The following TPTE2 variants were observed in gnomAD, a reference collection of about 807,000 sequenced individuals.
TPTE2 encodes transmembrane phosphoinositide 3-phosphatase and tensin homolog 2.
In TPTE2, 53 loss-of-function variants were observed where a neutral mutation model predicts 78.6. That is an observed-to-expected ratio of 0.67 (90% CI 0.54 to 0.85). The LOEUF (loss-of-function observed/expected upper bound fraction) is 0.85, where lower values mean the gene tolerates loss of function less well. Ranked by LOEUF, TPTE2 falls within the 40% of genes least tolerant of loss-of-function variation. The probability of loss-of-function intolerance (pLI) is 0.00; values close to 1 mark genes in which losing one functional copy is unlikely to be tolerated. For missense variants in TPTE2, 461 were observed against 623.0 expected, an observed-to-expected ratio of 0.74 and a Z score of 2.77; for synonymous variants, 175 against 206.2, an observed-to-expected ratio of 0.85 and a Z score of 1.30.
chr13:19,521,644 T>A (rs1357372502), intron 1 of TPTE2, among the ~76,000 whole-genome samples: 1 of 152,124 alleles, frequency 6.6e-6, no homozygotes, highest in Admixed American at 6.5e-5. Context: ...TTTCTTTTAC[T>A]ACGTTTTTGA....
the TPTE2 span, among the ~76,000 whole-genome samples, chr13:19,542,784 AG>A: frequency 9.2e-5 from 14 of 152,122 alleles, no homozygotes; most frequent in African/African-American, 3.1e-4. Flanking sequence ...GCTTGAGCCC[AG>A]GAGTTCAAGA....
intron 1 of TPTE2, among the ~76,000 whole-genome samples, chr13:19,512,812 C>T (rs1219275276): frequency 1.3e-5 from 2 of 152,086 alleles, no homozygotes; most frequent in African/African-American, 4.8e-5. Flanking sequence ...CTCCTGACCT[C>T]GTGGTCCACC....
chr13:19,533,838 G>A (rs190341827), intron 1 of TPTE2, among the ~76,000 whole-genome samples: 1 of 152,220 alleles, frequency 6.6e-6, no homozygotes, highest in African/African-American at 2.4e-5. Context: ...GAGCTGGCAA[G>A]CAAAGACACA....
intron 1 of TPTE2, among the ~76,000 whole-genome samples, chr13:19,494,512 G>T (rs571362045): frequency 6.6e-6 from 1 of 152,042 alleles, no homozygotes; most frequent in East Asian, 1.9e-4. Context: ...AGGTTCAATC[G>T]ATTCTCCTGC....
chr13:19,547,854 G>GACA, the TPTE2 span, among the ~76,000 whole-genome samples: 1 of 150,642 alleles, frequency 6.6e-6, no homozygotes, highest in Admixed American at 6.6e-5. Flanking sequence ...TCAAACTATC[G>GACA]ACAACGGTTA....
At chr13:19,434,144 G>T (rs922584623) in intron 15 of TPTE2, among the ~76,000 whole-genome samples, 2 of 152,230 alleles carry the variant, frequency 1.3e-5, no homozygotes, top group Non-Finnish European at 2.9e-5. Flanking sequence ...GGAAAGATGG[G>T]TAAGCCACGG....
upstream of TPTE2, among the ~76,000 whole-genome samples, chr13:19,537,656 G>A (rs1871289669): frequency 6.6e-6 from 1 of 151,412 alleles, no homozygotes; most frequent in African/African-American, 2.4e-5. Context: ...AGGCTGGAGT[G>A]CAGTGGTACT....
intron 3 of TPTE2, among the ~76,000 whole-genome samples, chr13:19,492,196 G>A (rs942804438): frequency 3.9e-5 from 6 of 152,124 alleles, no homozygotes; most frequent in Non-Finnish European, 7.3e-5. Flanking sequence ...GATCATGCTA[G>A]TCTCTCCTGC....
At chr13:19,547,452 A>G in the TPTE2 span, among the ~76,000 whole-genome samples, 1 of 152,154 alleles carries the variant, frequency 6.6e-6, no homozygotes, top group Non-Finnish European at 1.5e-5. Flanking sequence ...ACTGGCTATC[A>G]TTTCAGAAGA....
intron 1 of TPTE2, among the ~76,000 whole-genome samples, chr13:19,526,069 T>G (rs1171199151): frequency 3.9e-5 from 6 of 152,006 alleles, no homozygotes. Flanking sequence ...GGAAAGGGAA[T>G]GCTTATACAC....
chr13:19,425,923 C>T (rs377525887), intron 18 of TPTE2: 1 of 368,718 alleles, frequency 2.7e-6, no homozygotes, highest in South Asian at 1.6e-5. Flanking sequence ...CCAAACCTAA[C>T]TCTTTCTAGT....
rs9506153 is a variant in TPTE2 at position 19,535,577 on chromosome 13, C to T, written c.-44+1019G>A. Among the ~76,000 whole-genome samples, 117,050 of 151,790 alleles carry T rather than the reference C, an allele frequency of 0.77. 46,735 individuals carry two copies. The highest frequency in any genetic ancestry group is 0.96 in the East Asian group (4,998 of 5,184). On this transcript the variant is annotated intron_variant, in intron 1 of 17. Transcript: ENST00000390680. This position sits in a 1 kb window ranked among gnomAD's most constrained non-coding sequence, Gnocchi z 5.1. ...TAAATTTAGATTGATTAATAAGTGACTGAGGTTCTAAGTAATACTATCTCC... is the reference window on the plus strand; with the variant it reads ...TAAATTTAGATTGATTAATAAGTGATTGAGGTTCTAAGTAATACTATCTCC...
chr13:19,464,170 C>T (rs1237313445), intron 10 of TPTE2, among the ~76,000 whole-genome samples: 1 of 152,172 alleles, frequency 6.6e-6, no homozygotes, highest in East Asian at 1.9e-4. Flanking sequence ...TTAGTTGAGA[C>T]AGGAAATCCT....
chr13:19,500,588 C>A (rs1280811107), intron 1 of TPTE2, among the ~76,000 whole-genome samples: 1 of 152,104 alleles, frequency 6.6e-6, no homozygotes, highest in African/African-American at 2.4e-5. Flanking sequence ...AAGCCTTTGA[C>A]AAAATTCAAC....
chr13:19,427,601 TAAC>T (rs1316913188), intron 17 of TPTE2, among the ~76,000 whole-genome samples: 5 of 152,172 alleles, frequency 3.3e-5, no homozygotes, highest in African/African-American at 1.2e-4. Context: ...ATTTAAAAAA[TAAC>T]AACAGGGGTC....
intron 4 of TPTE2, among the ~76,000 whole-genome samples, chr13:19,480,126 T>C (rs551314054): frequency 6.6e-6 from 1 of 152,226 alleles, no homozygotes; most frequent in Admixed American, 6.5e-5. Flanking sequence ...AACAAGACCA[T>C]GTTTAATGAA....
chr13:19,470,170 T>C lies in TPTE2; in HGVS notation c.393-2826A>G, dbSNP rs1194999136. Among the ~76,000 whole-genome samples the C allele has an allele frequency of 2.0e-5, 3 of 152,302 alleles. No homozygotes were observed. The East Asian group carries it at 5.8e-4, about 29-fold the overall frequency. ...TACGGTACTGACTGTGGGTCTGTCA[T>C]ATATGGTTTTTATTATGTTTAGGTG... On this transcript the variant is annotated intron_variant, in intron 6 of 19. Coordinates refer to ENST00000400230, the Ensembl canonical transcript of TPTE2.
intron 1 of TPTE2, among the ~76,000 whole-genome samples, chr13:19,523,216 T>C (rs1404150517): frequency 6.6e-6 from 1 of 152,162 alleles, no homozygotes; most frequent in Non-Finnish European, 1.5e-5. Flanking sequence ...TTGTAGGATG[T>C]TGGTTTTCAA....
chr13:19,474,663 C>T (rs1400451973), intron 5 of TPTE2, among the ~76,000 whole-genome samples: 1 of 152,224 alleles, frequency 6.6e-6, no homozygotes, highest in East Asian at 1.9e-4. Flanking sequence ...CTTCCTGCCA[C>T]TTGCTGTTAC....
Sources: gnomAD v4.1 joint callset for allele counts (sites outside exome capture counted in the v4.1 genomes callset) on GRCh38, gnomAD v4.1.1 for gene constraint, Gnocchi (gnomAD v3.1) non-coding constraint, MANE v1.5 for transcripts, NCBI Gene and HGNC (gene_info 2026-07-23, HGNC 2026-07-21) for gene names.